MYRIP: variants seen among roughly 807,000 people sequenced by gnomAD.
MYRIP encodes the protein rab effector MyRIP.
MYRIP carries 49 observed loss-of-function variants against 98.0 expected under a neutral mutation model. That is an observed-to-expected ratio of 0.50 (90% CI 0.40 to 0.63). The LOEUF is 0.63. MYRIP is among the 30% of genes least tolerant of loss of function. The probability of loss-of-function intolerance (pLI) is 0.00; values close to 1 mark genes in which losing one functional copy is unlikely to be tolerated. For missense variants in MYRIP, 1,004 were observed against 1,058.2 expected (o/e 0.95, Z 0.71); for synonymous variants, 404 against 409.5 (o/e 0.99, Z 0.16).
intron 3 of MYRIP, chr3:40,070,996 G>A (rs142470048): frequency 5.6e-4 from 145 of 258,058 alleles, no homozygotes; most frequent in South Asian, 3.8e-3. Context: ...CCCCATGCCT[G>A]GGTGAGACCT....
intron 3 of MYRIP, among the ~76,000 whole-genome samples, chr3:40,149,952 G>C (rs1559421817): frequency 1.3e-5 from 2 of 152,074 alleles, no homozygotes; most frequent in African/African-American, 4.8e-5. Flanking sequence ...TTGGTTTTCT[G>C]AATTTTCTAG....
In MYRIP at chr3:40,251,965, C is replaced by T; in HGVS notation, c.2513C>T (p.Thr838Ile). The change falls in exon 16 of 17, where the codon ACT becomes ATT. Residue 838 changes from threonine to isoleucine, a missense_variant. Physicochemically the swap from Thr to Ile is moderately conservative, Grantham distance 89 (BLOSUM62 -1). Transcript: ENST00000302541. The stretch of plus-strand genomic sequence containing the variant: ...CTCCAAGGCTCCTCAACAAACAGGA[C>T]TAAGGAAAGGAAAGGCACCACCAAG... ...FILQGSSTNR[T>I]KERKGTTKDL... 1 of 1,612,914 alleles carries T rather than the reference C, an allele frequency of 6.2e-7. No homozygotes were observed. The highest frequency in any genetic ancestry group is 8.5e-7 in the Non-Finnish European group (1 of 1,178,960).
At chr3:40,112,138 T>G (rs964125421) in intron 3 of MYRIP, among the ~76,000 whole-genome samples, 2 of 152,064 alleles carry the variant, frequency 1.3e-5, no homozygotes, top group Non-Finnish European at 2.9e-5. Context: ...ATTGCTTCTG[T>G]GCACCCCTGG....
At chr3:39,875,966 G>C (rs536843238) in intron 1 of MYRIP, among the ~76,000 whole-genome samples, 9 of 152,128 alleles carry the variant, frequency 5.9e-5, no homozygotes, top group Non-Finnish European at 1.3e-4. Flanking sequence ...TTATTATTGT[G>C]TGGGAGTCTA....
chr3:40,007,273 G>C (rs564845817), intron 2 of MYRIP, among the ~76,000 whole-genome samples: 1 of 151,998 alleles, frequency 6.6e-6, no homozygotes, highest in East Asian at 1.9e-4. Flanking sequence ...CCTAGGACTT[G>C]GCCATCATCA....
intron 1 of MYRIP, among the ~76,000 whole-genome samples, chr3:39,869,333 T>C (rs971398872): frequency 2.6e-5 from 4 of 152,202 alleles, no homozygotes; most frequent in African/African-American, 7.2e-5. Flanking sequence ...AGTGCAGATA[T>C]ACTGTTGAGC....
intron 1 of MYRIP, among the ~76,000 whole-genome samples, chr3:39,875,292 C>G (rs1400096298): frequency 6.6e-6 from 1 of 152,118 alleles, no homozygotes; most frequent in African/African-American, 2.4e-5. Context: ...AAAAAAGCAG[C>G]TCCTGGATTC....
intron 2 of MYRIP, among the ~76,000 whole-genome samples, chr3:39,905,104 G>A (rs2125675018): frequency 6.6e-6 from 1 of 152,196 alleles, no homozygotes; most frequent in South Asian, 2.1e-4. Flanking sequence ...AGGTGCTTTG[G>A]GTTTTATCTA....
intron 3 of MYRIP, among the ~76,000 whole-genome samples, chr3:40,143,635 G>C (rs970920620): frequency 8.5e-5 from 13 of 152,262 alleles, no homozygotes; most frequent in Non-Finnish European, 1.3e-4. Context: ...TTTCCTGGCA[G>C]AAAGTAAATT....
At chr3:40,124,002 G>A (rs765438127) in intron 3 of MYRIP, among the ~76,000 whole-genome samples, 1 of 152,166 alleles carries the variant, frequency 6.6e-6, no homozygotes, top group Non-Finnish European at 1.5e-5. Context: ...AGGGCTTCCA[G>A]ACAGAGTGCT....
chr3:40,048,891 AT>A (rs1227563510), intron 3 of MYRIP, among the ~76,000 whole-genome samples: 18 of 152,180 alleles, frequency 1.2e-4, no homozygotes, highest in Admixed American at 3.3e-4. Context: ...ATACTACTGA[AT>A]CATCCCTTTG....
At chr3:39,816,847 A>G (rs1199412316) in intron 1 of MYRIP, among the ~76,000 whole-genome samples, 1 of 152,194 alleles carries the variant, frequency 6.6e-6, no homozygotes, top group Non-Finnish European at 1.5e-5. Flanking sequence ...AGGTCATTTG[A>G]TATTGTATAC....
intron 2 of MYRIP, among the ~76,000 whole-genome samples, chr3:39,984,709 C>A (rs939132669): frequency 3.3e-5 from 5 of 151,984 alleles, no homozygotes; most frequent in African/African-American, 1.2e-4. Flanking sequence ...GTCTTTATAG[C>A]AGCATGATTT....
chr3:39,902,351 T>C (rs750464430), intron 2 of MYRIP, among the ~76,000 whole-genome samples: 4 of 152,220 alleles, frequency 2.6e-5, no homozygotes, highest in Non-Finnish European at 5.9e-5. Context: ...GGGAAACTAG[T>C]ACAGTTGCTT....
chr3:39,924,491 T>C (rs568404865), intron 2 of MYRIP, among the ~76,000 whole-genome samples: 104 of 152,120 alleles, frequency 6.8e-4, no homozygotes, highest in African/African-American at 2.3e-3. Flanking sequence ...AAAATTTAAA[T>C]TGGTAGAACT....
chr3:39,885,951 C>A (rs761750879), intron 1 of MYRIP, among the ~76,000 whole-genome samples: 1 of 151,872 alleles, frequency 6.6e-6, no homozygotes, highest in African/African-American at 2.4e-5. Context: ...AATGTCCTCC[C>A]GTAGCTGGGA....
At chr3:40,224,810 C>T (rs1952442568) in intron 11 of MYRIP, among the ~76,000 whole-genome samples, 1 of 152,204 alleles carries the variant, frequency 6.6e-6, no homozygotes, top group African/African-American at 2.4e-5. Context: ...TGTTTCAGTG[C>T]ATTACATATG....
At chr3:40,200,131 T>TTTTTTTTTTTTTTTTTTTTG (rs1553626079) in intron 10 of MYRIP, among the ~76,000 whole-genome samples, 4 of 149,652 alleles carry the variant, frequency 2.7e-5, no homozygotes, top group African/African-American at 4.9e-5. Flanking sequence ...ATTTTCTTTT[T>TTTTTTTTTTTTTTTTTTTTG]ATCATAGGCC....
At chr3:39,973,322 T>C (rs1186015840) in intron 2 of MYRIP, among the ~76,000 whole-genome samples, 1 of 151,844 alleles carries the variant, frequency 6.6e-6, no homozygotes, top group Non-Finnish European at 1.5e-5. Context: ...TACATAATGG[T>C]AAAGGGATCA....
Sources: allele counts gnomAD v4.1 joint callset (sites outside exome capture counted in the v4.1 genomes callset), GRCh38; gene constraint gnomAD v4.1.1; transcripts MANE v1.5; gene names NCBI Gene and HGNC (gene_info 2026-07-23, HGNC 2026-07-21).